Variants in FADS3 observed in about 807,000 individuals in gnomAD.
FADS3 encodes the protein cytochrome b5-related protein.
Under a neutral mutation model 60.4 loss-of-function variants are expected in FADS3, and 30 were observed. That is an observed-to-expected ratio of 0.50 (90% confidence interval 0.37 to 0.67). The LOEUF is 0.67. Ranked by LOEUF, FADS3 falls within the 30% of genes least tolerant of loss-of-function variation. The pLI is 0.00. For synonymous variants in FADS3, 234 were observed against 249.3 expected (o/e 0.94, Z 0.58); for missense variants, 432 against 598.3 (o/e 0.72, Z 2.90).
At chr11:61,890,849 T>G (rs1938480669) in intron 1 of FADS3, among the ~76,000 whole-genome samples, 1 of 152,114 alleles carries the variant, frequency 6.6e-6, no homozygotes, top group South Asian at 2.1e-4. Context: ...GACCCAGAAC[T>G]GAAACAGGGA....
chr11:61,880,176 G>T (rs370845711), intron 1 of FADS3, 25 bp from the exon 2 acceptor site: 1 of 1,592,058 alleles, frequency 6.3e-7, no homozygotes, highest in African/African-American at 1.3e-5. Flanking sequence ...ACAGTCAGGC[G>T]GACAGACAGA....
chr11:61,876,044 C>A lies in FADS3; in HGVS notation c.1160+67G>T. The A allele has an allele frequency of 6.2e-7, 1 of 1,608,436 alleles. No individual in the cohort carries two copies. The highest frequency in any genetic ancestry group is 1.1e-5 in the South Asian group (1 of 90,994). ...CCAGAGAGAGGCCCCACCCACGGGTCCCCTCCCAGGATCCCCTCCCAGGAC... is the reference window on the plus strand; with the variant it reads ...CCAGAGAGAGGCCCCACCCACGGGTACCCTCCCAGGATCCCCTCCCAGGAC... On this transcript the variant is annotated intron_variant, in intron 10 of 11. Coordinates refer to ENST00000278829, the MANE Select transcript of FADS3 (RefSeq NM_021727.5). This position sits in a 1 kb window ranked among gnomAD's most constrained non-coding sequence, Gnocchi z 5.7.
intron 3 of FADS3, 101 bp downstream of exon 3, chr11:61,879,211 G>T: frequency 1.9e-6 from 2 of 1,032,456 alleles, no homozygotes; most frequent in Non-Finnish European, 2.9e-6. Flanking sequence ...CCTTTCATAG[G>T]TCCATTCATT....
At chr11:61,891,586 C>G (rs1938521608), upstream of FADS3, 1 of 213,798 alleles carries the variant, frequency 4.7e-6, no homozygotes, top group African/African-American at 2.3e-5. Flanking sequence ...GCGCGGACGG[C>G]GCCCGCCTCG....
Position 61,873,573 on chromosome 11 carries a change from C to T in FADS3, c.*241G>A. 3.5e-6 allele frequency: 2 copies of T among 564,760 alleles called. No homozygotes were observed. Among genetic ancestry groups the T allele is most frequent in the Non-Finnish European group, 6.3e-6 (2 of 318,950 alleles). 35.0% of individuals were successfully genotyped at this position (564,760 alleles called of 1,614,324 possible). A position where few individuals can be genotyped will look rare whatever the true frequency, so the allele number is the denominator to read the frequency against. On this transcript the variant is annotated 3_prime_UTR_variant, in exon 12 of 12. Coordinates refer to ENST00000278829, the MANE Select transcript of FADS3 (RefSeq NM_021727.5). ...TAAAAATAACAGCTTTCCCCCAATT[C>T]TCGCTCTAGGAAAATGTGCTATGCT...
chr11:61,875,499 C>T (rs1483818252), intron 11 of FADS3, among the ~76,000 whole-genome samples: 1 of 151,188 alleles, frequency 6.6e-6, no homozygotes, highest in Non-Finnish European at 1.5e-5. Context: ...TCCCCAAGTG[C>T]TGGAATTACA....
Position 61,873,570 on chromosome 11 carries a change from A to G in FADS3, c.*244T>C. 2 of 563,982 alleles carry G rather than the reference A, an allele frequency of 3.5e-6. No individual in the cohort carries two copies. The highest frequency in any genetic ancestry group is 3.1e-5 in the East Asian group (1 of 31,780). The allele number at this position is 563,982 out of a possible 1,614,324, so 34.9% of individuals were successfully genotyped here. ...ATATAAAAATAACAGCTTTCCCCCAATTCTCGCTCTAGGAAAATGTGCTAT... is the reference window on the plus strand; with the variant it reads ...ATATAAAAATAACAGCTTTCCCCCAGTTCTCGCTCTAGGAAAATGTGCTAT... On this transcript the variant is annotated 3_prime_UTR_variant, in exon 12 of 12. Coordinates refer to ENST00000278829, the MANE Select transcript of FADS3 (RefSeq NM_021727.5).
rs1938512561 is a variant in FADS3 at position 61,891,448 on chromosome 11, G to A, written c.-67C>T. The A allele has an allele frequency of 2.5e-6, 3 of 1,177,054 alleles. No individual in the cohort carries two copies. The highest frequency in any genetic ancestry group is 6.4e-5 in the East Asian group (2 of 31,196). 72.9% of individuals were successfully genotyped at this position (1,177,054 alleles called of 1,614,324 possible). On this transcript the variant is annotated 5_prime_UTR_variant, in exon 1 of 12. Transcript: ENST00000278829. ...GTCCGAGCAAGACCCCGAGGGAAGCGAAGAGCGCTCCCGGGCGCCGCCTCC... is the reference window on the plus strand; with the variant it reads ...GTCCGAGCAAGACCCCGAGGGAAGCAAAGAGCGCTCCCGGGCGCCGCCTCC...
intron 1 of FADS3, 115 bp downstream of exon 1, chr11:61,891,054 A>T: frequency 4.4e-6 from 4 of 918,958 alleles, no homozygotes; most frequent in Non-Finnish European, 6.7e-6. Flanking sequence ...TGGAGGTCAA[A>T]GGTCAGCGAG....
chr11:61,876,919 G>T lies in FADS3; in HGVS notation c.930C>A (p.Ser310=). The part of the protein sequence containing the change: ...AASFYARFFL[S]YLPFYGVPGV... ...CAGGGACGCCGTAGAAGGGGAGGTA[G>T]GATAAGAAGAAGCGGGCATAGAAGC... The change falls in exon 8 of 12, where the codon TCC becomes TCA. Residue 310 remains serine, a synonymous_variant. Coordinates refer to ENST00000278829, the MANE Select transcript of FADS3 (RefSeq NM_021727.5). The surrounding 1 kb of genome is among the most constrained non-coding windows in gnomAD (Gnocchi z 5.7). 1 of 1,610,588 alleles carries T rather than the reference G, an allele frequency of 6.2e-7. No homozygotes were observed. The highest frequency in any genetic ancestry group is 1.1e-5 in the South Asian group (1 of 90,220).
intron 11 of FADS3, among the ~76,000 whole-genome samples, chr11:61,874,079 G>A (rs1336913538): frequency 1.3e-5 from 2 of 152,224 alleles, no homozygotes; most frequent in African/African-American, 4.8e-5. Flanking sequence ...GGTGACGGGT[G>A]TCGGGTAGGG....
Position 61,877,679 on chromosome 11 carries a change from G to T in FADS3, c.809-92C>A. Reference sequence around the variant, plus strand: ...TGAGGGGCTCTGTTACTCCAGGAATGCCCCTGGGACGTTGGTGCTGGTCAC... The same window carrying T: ...TGAGGGGCTCTGTTACTCCAGGAATTCCCCTGGGACGTTGGTGCTGGTCAC... On this transcript the variant is annotated intron_variant, in intron 6 of 11. Transcript: ENST00000278829. The surrounding 1 kb of genome is among the most constrained non-coding windows in gnomAD (Gnocchi z 4.7). The T allele has an allele frequency of 8.5e-7, 1 of 1,183,370 alleles. No homozygotes were observed. The highest frequency in any genetic ancestry group is 1.2e-6 in the Non-Finnish European group (1 of 815,510). The allele number at this position is 1,183,370 out of a possible 1,614,324, so 73.3% of individuals were successfully genotyped here.
In FADS3 at chr11:61,877,631, G is replaced by A. The variant is rs1161017571; in HGVS notation, c.809-44C>T. ...GAGTGTTCAGGAGTGGGGCTGGGCTGCCAAGGTGAGTGGGCGCCAGAGTGA... is the reference window on the plus strand; with the variant it reads ...GAGTGTTCAGGAGTGGGGCTGGGCTACCAAGGTGAGTGGGCGCCAGAGTGA... On this transcript the variant is annotated intron_variant, in intron 6 of 11. Transcript: ENST00000278829. The surrounding 1 kb of genome is among the most constrained non-coding windows in gnomAD (Gnocchi z 4.7). 8.9e-6 allele frequency: 14 copies of A among 1,578,112 alleles called. No individual in the cohort carries two copies. The highest frequency in any genetic ancestry group is 8.7e-7 in the Non-Finnish European group (1 of 1,152,932).
At chr11:61,874,614 TTC>T (rs1937800321) in intron 11 of FADS3, among the ~76,000 whole-genome samples, 1 of 152,204 alleles carries the variant, frequency 6.6e-6, no homozygotes, top group African/African-American at 2.4e-5. Context: ...GGCGTGTCCC[TTC>T]TCTGAGTGCC....
intron 1 of FADS3, among the ~76,000 whole-genome samples, chr11:61,887,956 G>A (rs551675518): frequency 7.9e-5 from 12 of 152,260 alleles, no homozygotes; most frequent in South Asian, 2.1e-4. Flanking sequence ...TGCCTCATAG[G>A]GGCACCTTGA....
intron 4 of FADS3, 29 bp downstream of exon 4, chr11:61,878,717 A>G (rs1199623330): frequency 6.2e-7 from 1 of 1,612,668 alleles, no homozygotes; most frequent in South Asian, 1.1e-5. Flanking sequence ...GCCACCCAGC[A>G]CCTGGCTGAC....
At chr11:61,884,285 A>T (rs1374391841) in intron 1 of FADS3, among the ~76,000 whole-genome samples, 1 of 152,106 alleles carries the variant, frequency 6.6e-6, no homozygotes, top group East Asian at 1.9e-4. Flanking sequence ...AGGGAAGGGA[A>T]CATCACACAC....
chr11:61,883,859 A>G (rs1024728133), intron 1 of FADS3, among the ~76,000 whole-genome samples: 1 of 152,234 alleles, frequency 6.6e-6, no homozygotes, highest in African/African-American at 2.4e-5. Flanking sequence ...GATAAGGGGA[A>G]GTGTGAGCCC....
chr11:61,884,250 T>C (rs745318723), intron 1 of FADS3, among the ~76,000 whole-genome samples: 12 of 151,790 alleles, frequency 7.9e-5, no homozygotes, highest in Non-Finnish European at 1.8e-4. Flanking sequence ...TAAGTGAGAG[T>C]TGAACAATGA....
Sources: allele counts gnomAD v4.1 joint callset (sites outside exome capture counted in the v4.1 genomes callset), GRCh38; gene constraint gnomAD v4.1.1; non-coding constraint Gnocchi (gnomAD v3.1); transcripts MANE v1.5; gene names NCBI Gene and HGNC (gene_info 2026-07-23, HGNC 2026-07-21).